TMEM135: variants seen among roughly 807,000 people sequenced by gnomAD.
TMEM135 encodes the protein peroxisomal membrane protein 52.
Under a neutral mutation model 60.3 loss-of-function variants are expected in TMEM135, and 30 were observed. The observed-to-expected ratio is 0.50, with a 90% CI of 0.37 to 0.68. The LOEUF (loss-of-function observed/expected upper bound fraction) is 0.68, where lower values mean the gene tolerates loss of function less well. TMEM135 is among the 30% of genes least tolerant of loss of function. The pLI, the probability that TMEM135 is intolerant of heterozygous loss-of-function variation, is 0.00. For missense variants in TMEM135, 468 were observed against 548.8 expected, an observed-to-expected ratio of 0.85 and a Z score of 1.47; for synonymous variants, 190 against 186.7, an observed-to-expected ratio of 1.02 and a Z score of -0.14.
At chr11:87,181,766 A>G (rs953518981) in intron 5 of TMEM135, among the ~76,000 whole-genome samples, 2 of 152,160 alleles carry the variant, frequency 1.3e-5, no homozygotes, top group Admixed American at 6.5e-5. Flanking sequence ...AATTCTTAAG[A>G]TAAAAAAAGT....
intron 4 of TMEM135, among the ~76,000 whole-genome samples, chr11:87,121,894 C>T (rs1429606425): frequency 6.6e-6 from 1 of 152,154 alleles, no homozygotes; most frequent in Non-Finnish European, 1.5e-5. Flanking sequence ...CTCGCCTAAG[C>T]CTCCCAATGT....
chr11:87,202,462 A>G (rs1940134779), intron 5 of TMEM135, among the ~76,000 whole-genome samples: 1 of 152,178 alleles, frequency 6.6e-6, no homozygotes, highest in South Asian at 2.1e-4. Context: ...AACAGCTGGG[A>G]CTACACACAT....
At chr11:87,307,011 G>T (rs115472490) in intron 9 of TMEM135, among the ~76,000 whole-genome samples, 2 of 152,062 alleles carry the variant, frequency 1.3e-5, no homozygotes, top group Non-Finnish European at 2.9e-5. Flanking sequence ...GAACCACCGC[G>T]CCCGGCCAAG....
Position 87,325,154 on chromosome 11 carries a change from A to C in TMEM135, c.*3821A>C. The C allele has an allele frequency of 2.2e-6, 1 of 453,996 alleles. No homozygotes were observed. The highest frequency in any genetic ancestry group is 1.6e-5 in the South Asian group (1 of 64,468). The allele number at this position is 453,996 out of a possible 1,614,324, so 28.1% of individuals were successfully genotyped here. A position where few individuals can be genotyped will look rare whatever the true frequency, so the allele number is the denominator to read the frequency against. On this transcript the variant is annotated 3_prime_UTR_variant, in exon 15 of 15. Coordinates refer to ENST00000305494, the MANE Select transcript of TMEM135 (RefSeq NM_022918.4). ...CCCTCAGATTGGGGGGCTGTCTTAG[A>C]TTCTAGGGCTTTGTAGTACTATGTT...
rs184203879 is a variant in TMEM135 at position 87,308,122 on chromosome 11, C to T, written c.769-1383C>T. On this transcript the variant is annotated intron_variant, in intron 9 of 14. Coordinates refer to ENST00000305494, the MANE Select transcript of TMEM135 (RefSeq NM_022918.4). ...TTGTTTACTTAGTTGTTTTCTTTTC[C>T]AGTAATGAGCATGAAAGCTCCACAA... is the stretch of plus-strand genomic sequence containing the variant. Among the ~76,000 whole-genome samples the T allele has an allele frequency of 2.3e-3, 347 of 152,116 alleles. 2 individuals are homozygous for T. The highest frequency in any genetic ancestry group is 7.9e-3 in the African/African-American group (327 of 41,506).
Position 87,236,669 on chromosome 11 carries a change from AC to A in TMEM135, c.495del (p.Tyr165Ter). The A allele has an allele frequency of 6.2e-7, 1 of 1,612,296 alleles. No homozygotes were observed. ...VLLFCITAAM[Y>X]MFFFRCKDGL... The stretch of plus-strand genomic sequence containing the variant: ...TTGTTTTGCATCACAGCTGCCATGT[AC>A]ATGTTCTTTTTCAGGTATGTTCTGT... On this transcript the variant is annotated frameshift_variant, in exon 6 of 15. Coordinates refer to ENST00000305494, the MANE Select transcript of TMEM135 (RefSeq NM_022918.4). LOFTEE classifies it high-confidence loss of function.
At position 87,091,462 on chromosome 11, in the gene TMEM135, T is replaced by C. The variant is rs1048683538; in HGVS notation, c.396+67T>C. The stretch of plus-strand genomic sequence containing the variant: ...ATATCTTTTTAAAATCAAGTTTTCT[T>C]AAAAAAAGTAAAAGAGGAAAGCCAC... On this transcript the variant is annotated intron_variant, in intron 4 of 14. Coordinates refer to ENST00000305494, the MANE Select transcript of TMEM135 (RefSeq NM_022918.4). 1.0e-5 allele frequency: 15 copies of C among 1,492,456 alleles called. No individual in the cohort carries two copies. In the African/African-American group the frequency reaches 2.1e-4, roughly 21 times the overall value. 92.5% of individuals were successfully genotyped at this position (1,492,456 alleles called of 1,614,324 possible).
intron 5 of TMEM135, among the ~76,000 whole-genome samples, chr11:87,201,834 T>G (rs1940099607): frequency 6.6e-6 from 1 of 152,186 alleles, no homozygotes; most frequent in African/African-American, 2.4e-5. Context: ...GAACTTTGTT[T>G]TAATGTCCAG....
At chr11:87,211,218 A>G (rs1940361650) in intron 5 of TMEM135, among the ~76,000 whole-genome samples, 2 of 152,222 alleles carry the variant, frequency 1.3e-5, no homozygotes, top group Admixed American at 1.3e-4. Context: ...TTATAGAATA[A>G]CACACTACAT....
chr11:87,064,602 G>A (rs920417350), intron 1 of TMEM135, among the ~76,000 whole-genome samples: 6 of 152,156 alleles, frequency 3.9e-5, no homozygotes, highest in African/African-American at 9.7e-5. Flanking sequence ...TGTTATAGAG[G>A]CCAGGCACGG....
intron 1 of TMEM135, among the ~76,000 whole-genome samples, chr11:87,046,095 T>C (rs1245664924): frequency 6.6e-6 from 1 of 152,142 alleles, no homozygotes; most frequent in Non-Finnish European, 1.5e-5. Flanking sequence ...AAGTAGTATA[T>C]ATAACTATTA....
At chr11:87,150,215 CAAAA>C (rs200067307) in intron 4 of TMEM135, among the ~76,000 whole-genome samples, 16,973 of 109,800 alleles carry the variant, frequency 0.15, 957 homozygotes, top group Middle Eastern at 0.18. Context: ...AACTCTGTCT[CAAAA>C]AAAAAAAAAA....
chr11:87,203,628 T>C (rs971163879), intron 5 of TMEM135, among the ~76,000 whole-genome samples: 8 of 152,240 alleles, frequency 5.3e-5, no homozygotes, highest in Non-Finnish European at 1.0e-4. Flanking sequence ...TCTCGGTTGC[T>C]TCTAAGTTTT....
intron 5 of TMEM135, among the ~76,000 whole-genome samples, chr11:87,184,469 C>T (rs1348971111): frequency 2.0e-5 from 3 of 151,918 alleles, no homozygotes; most frequent in Non-Finnish European, 4.4e-5. Context: ...CTGACGATTA[C>T]TTTAGGTCTT....
intron 6 of TMEM135, among the ~76,000 whole-genome samples, chr11:87,265,943 A>G (rs1224219737): frequency 6.6e-6 from 1 of 152,146 alleles, no homozygotes; most frequent in African/African-American, 2.4e-5. Context: ...GTAGTAGTAT[A>G]CTGAGCTATT....
intron 1 of TMEM135, among the ~76,000 whole-genome samples, chr11:87,039,845 A>G (rs914774352): frequency 9.2e-5 from 14 of 152,238 alleles, no homozygotes; most frequent in African/African-American, 3.4e-4. Flanking sequence ...ATATTTGTTG[A>G]ATGCCTGATA....
At chr11:87,241,069 A>T (rs190242531) in intron 6 of TMEM135, among the ~76,000 whole-genome samples, 10 of 152,198 alleles carry the variant, frequency 6.6e-5, no homozygotes, top group Admixed American at 5.2e-4. Context: ...TGAGAATTCT[A>T]ATCAATTCTC....
chr11:87,063,329 A>G (rs1398885952), intron 1 of TMEM135, among the ~76,000 whole-genome samples: 1 of 152,134 alleles, frequency 6.6e-6, no homozygotes, highest in Non-Finnish European at 1.5e-5. Flanking sequence ...TTTTTAGCTA[A>G]ATCTTTATAT....
chr11:87,242,584 G>A (rs200613869), intron 6 of TMEM135, among the ~76,000 whole-genome samples: 2 of 112,458 alleles, frequency 1.8e-5, no homozygotes, highest in African/African-American at 3.4e-5. Flanking sequence ...GTTTTGATTT[G>A]CATTTCTCTG....
Sources: allele counts gnomAD v4.1 joint callset (sites outside exome capture counted in the v4.1 genomes callset), GRCh38; gene constraint gnomAD v4.1.1; transcripts MANE v1.5; gene names NCBI Gene and HGNC (gene_info 2026-07-23, HGNC 2026-07-21).